The following TYW1 variants were observed in gnomAD, a reference collection of about 807,000 sequenced individuals.
TYW1 encodes tRNA-yW synthesizing protein 1 homolog.
Under a neutral mutation model 96.2 loss-of-function variants are expected in TYW1, and 46 were observed. That is an observed-to-expected ratio of 0.48 (90% confidence interval 0.38 to 0.61). The LOEUF is 0.61. TYW1 is among the 20% of genes least tolerant of loss of function. The pLI is 0.00. For missense variants in TYW1, 684 were observed against 909.6 expected (o/e 0.75, Z 3.19); for synonymous variants, 274 against 323.0 (o/e 0.85, Z 1.63).
intron 4 of TYW1, among the ~76,000 whole-genome samples, chr7:67,012,108 T>G (rs1192796133): frequency 6.6e-6 from 1 of 151,916 alleles, no homozygotes; most frequent in Non-Finnish European, 1.5e-5. Flanking sequence ...TCCCAGCAAG[T>G]TGAGAGGTCA....
At position 67,162,730 on chromosome 7, in the gene TYW1, C is replaced by T. The variant is rs1260890194; in HGVS notation, c.1699-20396C>T. ...ATATCCTCGGACATCCAAGTCAGTA[C>T]GTTGCTTGAAGTCATGGGAGTCTGA... On this transcript the variant is annotated intron_variant, in intron 13 of 15. Transcript: ENST00000359626. 3.9e-5 allele frequency among the ~76,000 whole-genome samples: 6 copies of T among 152,168 alleles called. No homozygotes were observed. In the South Asian group the frequency reaches 8.3e-4, roughly 21 times the overall value.
At chr7:67,075,681 G>C (rs1009832776) in intron 10 of TYW1, among the ~76,000 whole-genome samples, 21 of 152,232 alleles carry the variant, frequency 1.4e-4, no homozygotes, top group African/African-American at 4.8e-4. Flanking sequence ...AGACAAATCT[G>C]TAGAGACAGA....
intron 13 of TYW1, among the ~76,000 whole-genome samples, chr7:67,122,247 A>G (rs1438822250): frequency 2.0e-5 from 3 of 152,198 alleles, no homozygotes; most frequent in Non-Finnish European, 4.4e-5. Flanking sequence ...AACAATGACC[A>G]TTGGCCCTCT....
intron 9 of TYW1, among the ~76,000 whole-genome samples, chr7:67,059,520 G>A (rs1329662539): frequency 6.6e-6 from 1 of 151,074 alleles, no homozygotes; most frequent in African/African-American, 2.4e-5. Flanking sequence ...TAGGCTGGCA[G>A]TTGCTGGGCA....
rs1795895322 is a variant in TYW1, at chr7:67,067,291, C to T, written c.1162C>T (p.Leu388Phe). The T allele has an allele frequency of 3.1e-6, 5 of 1,613,956 alleles. No homozygotes were observed. Among genetic ancestry groups the T allele is most frequent in the Middle Eastern group, 1.7e-4 (1 of 6,056 alleles). ...VKLCRWTKSM[L>F]RGRGGCYKHT... Reference sequence around the variant, plus strand: ...ATTTGTTTACTTGTCATAGTCCATGCTCCGAGGGAGAGGAGGTTGTTACAA... The same window carrying T: ...ATTTGTTTACTTGTCATAGTCCATGTTCCGAGGGAGAGGAGGTTGTTACAA... Residue 388 changes from leucine (L) to phenylalanine (F), a missense_variant, in exon 10 of 16, where the codon CTC becomes TTC. Transcript: ENST00000359626.
At chr7:67,094,190 C>T (rs71563159) in intron 11 of TYW1, among the ~76,000 whole-genome samples, 1 of 152,112 alleles carries the variant, frequency 6.6e-6, no homozygotes, top group East Asian at 1.9e-4. Context: ...GTTTTTATGG[C>T]TGCATAGTAT....
chr7:67,226,310 G>A (rs1801559234), intron 15 of TYW1, among the ~76,000 whole-genome samples: 1 of 152,128 alleles, frequency 6.6e-6, no homozygotes, highest in South Asian at 2.1e-4. Context: ...TTAGCCAAAC[G>A]ATTAGAAATT....
intron 15 of TYW1, among the ~76,000 whole-genome samples, chr7:67,229,070 A>G (rs1263593693): frequency 6.6e-6 from 1 of 152,218 alleles, no homozygotes; most frequent in Non-Finnish European, 1.5e-5. Flanking sequence ...AATCAAAGAA[A>G]TCAAAGGCAG....
chr7:67,207,984 G>T lies in TYW1; in HGVS notation c.1977+12647G>T, dbSNP rs574947776. 5.3e-5 allele frequency among the ~76,000 whole-genome samples: 8 copies of T among 152,278 alleles called. No individual in the cohort carries two copies. The South Asian group carries it at 1.7e-3, about 32-fold the overall frequency. ...GATCCACCTGCCTCGGCCTCACAAAGTGCTGGAATTTTAGGTGTAAGCCAC... is the reference window on the plus strand; with the variant it reads ...GATCCACCTGCCTCGGCCTCACAAATTGCTGGAATTTTAGGTGTAAGCCAC... On this transcript the variant is annotated intron_variant, in intron 15 of 15. Coordinates refer to ENST00000359626, the MANE Select transcript of TYW1 (RefSeq NM_018264.4).
chr7:67,001,683 G>C (rs1379474528), intron 3 of TYW1, among the ~76,000 whole-genome samples: 1 of 151,534 alleles, frequency 6.6e-6, no homozygotes, highest in African/African-American at 2.4e-5. Context: ...GCCTCCCAAA[G>C]TGTTGGGATT....
intron 13 of TYW1, among the ~76,000 whole-genome samples, chr7:67,165,370 C>T (rs2116235939): frequency 6.6e-6 from 1 of 151,962 alleles, no homozygotes; most frequent in African/African-American, 2.4e-5. Context: ...TGAAAGCTGC[C>T]TAATTAGAAG....
chr7:67,121,935 C>A (rs1797771412), intron 13 of TYW1, among the ~76,000 whole-genome samples: 1 of 145,104 alleles, frequency 6.9e-6, no homozygotes, highest in African/African-American at 2.7e-5. Context: ...CATCAAGATA[C>A]CAGAGTAAAA....
chr7:67,033,711 T>A (rs1417420882), intron 7 of TYW1, among the ~76,000 whole-genome samples: 2 of 152,054 alleles, frequency 1.3e-5, no homozygotes, highest in Non-Finnish European at 2.9e-5. Flanking sequence ...TTTTTTTTTT[T>A]TTGAGACGGA....
At chr7:67,113,877 G>A (rs1489159023) in intron 12 of TYW1, among the ~76,000 whole-genome samples, 1 of 152,104 alleles carries the variant, frequency 6.6e-6, no homozygotes, top group African/African-American at 2.4e-5. Context: ...GTCCTCAGGT[G>A]ATCCTCCTGT....
intron 11 of TYW1, among the ~76,000 whole-genome samples, chr7:67,084,972 T>C (rs762048321): frequency 3.3e-5 from 5 of 152,174 alleles, no homozygotes; most frequent in Non-Finnish European, 7.3e-5. Flanking sequence ...CTCTGGTCTC[T>C]ACCTACCACT....
chr7:66,996,971 T>C lies in TYW1; in HGVS notation c.-8T>C. ...CGAGATCCTAGTCTCCTGTCGGCTC[T>C]GAGGAGGATGGGTAAGGGCACTCGG... On this transcript the variant is annotated 5_prime_UTR_variant, in exon 1 of 16. Coordinates refer to ENST00000359626, the MANE Select transcript of TYW1 (RefSeq NM_018264.4). 6.2e-7 allele frequency: 1 copy of C among 1,614,104 alleles called. No individual in the cohort carries two copies. Among genetic ancestry groups the C allele is most frequent in the Non-Finnish European group, 8.5e-7 (1 of 1,179,986 alleles).
intron 3 of TYW1, among the ~76,000 whole-genome samples, chr7:67,007,348 A>G (rs917382959): frequency 6.6e-6 from 1 of 152,160 alleles, no homozygotes; most frequent in African/African-American, 2.4e-5. Context: ...TCCTGACTGT[A>G]GAGTGTACCT....
chr7:67,100,689 A>G (rs1269951308), intron 12 of TYW1, among the ~76,000 whole-genome samples: 1 of 151,906 alleles, frequency 6.6e-6, no homozygotes, highest in Non-Finnish European at 1.5e-5. Flanking sequence ...TACTAAAAAT[A>G]CAAATACAAA....
chr7:67,153,302 A>G (rs1396490177), intron 13 of TYW1, among the ~76,000 whole-genome samples: 1 of 152,192 alleles, frequency 6.6e-6, no homozygotes, highest in East Asian at 1.9e-4. Flanking sequence ...CTAAAAATAC[A>G]CAAATTAGCT....
Sources: gnomAD v4.1 joint callset for allele counts (sites outside exome capture counted in the v4.1 genomes callset) on GRCh38, gnomAD v4.1.1 for gene constraint, MANE v1.5 for transcripts, NCBI Gene and HGNC (gene_info 2026-07-23, HGNC 2026-07-21) for gene names.